Variants in TSHR observed in about 807,000 individuals in gnomAD.
TSHR encodes thyroid stimulating hormone receptor.
In TSHR, 51 loss-of-function variants were observed where a neutral mutation model predicts 64.1. The observed-to-expected ratio is 0.80, with a 90% CI of 0.64 to 1.01. The LOEUF (loss-of-function observed/expected upper bound fraction) is 1.01, where lower values mean the gene tolerates loss of function less well. Ranked by LOEUF, TSHR falls within the 50% of genes least tolerant of loss-of-function variation. The probability of loss-of-function intolerance (pLI) is 0.00; values close to 1 mark genes in which losing one functional copy is unlikely to be tolerated. For missense variants in TSHR, 877 were observed against 942.8 expected (o/e 0.93, Z 0.91); for synonymous variants, 361 against 361.9 (o/e 1.00, Z 0.03).
intron 1 of TSHR, among the ~76,000 whole-genome samples, chr14:80,973,204 G>A (rs969568563): frequency 2.6e-5 from 4 of 151,986 alleles, no homozygotes; most frequent in East Asian, 1.9e-4. Context: ...AGGAGATCGA[G>A]ACCATCCTGG....
intron 1 of TSHR, among the ~76,000 whole-genome samples, chr14:81,046,859 A>G (rs946458183): frequency 5.9e-5 from 9 of 152,320 alleles, no homozygotes; most frequent in Non-Finnish European, 7.4e-5. Flanking sequence ...GAAGGTTAAA[A>G]GGGAAACAGG....
intron 1 of TSHR, among the ~76,000 whole-genome samples, chr14:80,967,697 C>T (rs1198650419): frequency 1.3e-5 from 2 of 152,256 alleles, no homozygotes; most frequent in African/African-American, 4.8e-5. Context: ...TAAGAAATTT[C>T]CTGGGCTTAT....
At chr14:81,045,422 C>T (rs980862072) in intron 1 of TSHR, among the ~76,000 whole-genome samples, 1 of 152,164 alleles carries the variant, frequency 6.6e-6, no homozygotes, top group African/African-American at 2.4e-5. Context: ...CTGGGATACA[C>T]GTGTAGAACG....
At chr14:81,110,162 T>A (rs562332897) in intron 8 of TSHR, among the ~76,000 whole-genome samples, 10 of 152,384 alleles carry the variant, frequency 6.6e-5, no homozygotes, top group Admixed American at 3.3e-4. Flanking sequence ...AACTTGTTTT[T>A]AAATCTTTCA....
intron 7 of TSHR, among the ~76,000 whole-genome samples, chr14:81,101,403 T>C (rs1236062314): frequency 6.6e-6 from 1 of 152,192 alleles, no homozygotes; most frequent in East Asian, 1.9e-4. Flanking sequence ...CAATGTATAA[T>C]GAAACCAATT....
At chr14:81,008,442 G>C (rs985946190) in intron 1 of TSHR, among the ~76,000 whole-genome samples, 1 of 152,032 alleles carries the variant, frequency 6.6e-6, no homozygotes, top group Non-Finnish European at 1.5e-5. Flanking sequence ...AAAGTGCTGG[G>C]ATTACAGGCG....
At chr14:80,978,127 ACACATGCATG>A (rs1887982501) in intron 1 of TSHR, among the ~76,000 whole-genome samples, 1 of 139,070 alleles carries the variant, frequency 7.2e-6, no homozygotes, top group South Asian at 2.4e-4. Flanking sequence ...ACACACACAC[ACACATGCATG>A]TGCACTTTTC....
At chr14:81,096,751 T>A (rs1457495773) in intron 7 of TSHR, 44 bp downstream of exon 7, 1 of 1,596,866 alleles carries the variant, frequency 6.3e-7, no homozygotes, top group Non-Finnish European at 8.6e-7. Flanking sequence ...TCCCTTACCC[T>A]AAGAACCATC....
intron 8 of TSHR, among the ~76,000 whole-genome samples, chr14:81,137,521 C>T (rs1356403312): frequency 6.6e-6 from 1 of 152,144 alleles, no homozygotes; most frequent in East Asian, 1.9e-4. Context: ...TCAGCCCTGG[C>T]ACCAGACATG....
At chr14:81,108,818 C>A in intron 8 of TSHR, 1 of 1,537,720 alleles carries the variant, frequency 6.5e-7, no homozygotes, top group Non-Finnish European at 8.7e-7. Context: ...AAAAAATGTA[C>A]CTGAATGTAC....
rs182127123 is a variant in TSHR, at chr14:81,084,465, T to G, written c.318-3489T>G. Among the ~76,000 whole-genome samples the G allele has an allele frequency of 3.1e-3, 470 of 152,366 alleles. 5 individuals are homozygous for G. Among genetic ancestry groups the G allele is most frequent in the African/African-American group, 0.011 (460 of 41,588 alleles). On this transcript the variant is annotated intron_variant, in intron 3 of 9. Transcript: ENST00000298171. The stretch of plus-strand genomic sequence containing the variant: ...CAGAGTACTCTATATTTTTGGAATT[T>G]TATTTATGCTTATTAGTTTGGGTAG...
In TSHR at chr14:81,022,106, CA is replaced by C. The variant is rs10631450; in HGVS notation, c.171-40025del. Among the ~76,000 whole-genome samples the C allele has an allele frequency of 1.0e-3, 121 of 115,532 alleles. No individual in the cohort carries two copies. In the Middle Eastern group the frequency reaches 0.019, roughly 18 times the overall value. 75.8% of individuals were successfully genotyped at this position (115,532 alleles called of 152,430 possible). Reference sequence around the variant, plus strand: ...TGAAACCCCGTCTCTACTAAAAATACAAAAAAAAAAAAAAAAAGCCAGGCGT... The same window carrying C: ...TGAAACCCCGTCTCTACTAAAAATACAAAAAAAAAAAAAAAAGCCAGGCGT... On this transcript the variant is annotated intron_variant, in intron 1 of 9. Transcript: ENST00000298171.
intron 8 of TSHR, among the ~76,000 whole-genome samples, chr14:81,114,488 G>A (rs192983257): frequency 1.5e-3 from 232 of 152,178 alleles, no homozygotes; most frequent in Admixed American, 2.9e-3. Context: ...AAAAAACGGC[G>A]CACCACGAGA....
At chr14:80,984,420 A>G (rs1272073731) in intron 1 of TSHR, among the ~76,000 whole-genome samples, 1 of 152,126 alleles carries the variant, frequency 6.6e-6, no homozygotes, top group East Asian at 1.9e-4. Context: ...TTTTTCCTGT[A>G]CTCACAGTGA....
At chr14:80,958,106 A>T (rs928299176) in intron 1 of TSHR, 2 of 151,840 alleles carry the variant, frequency 1.3e-5, no homozygotes, top group African/African-American at 2.4e-5. Flanking sequence ...GGGCGGTAGA[A>T]CTCTTTGTTG....
At chr14:81,039,575 A>G (rs1403589100) in intron 1 of TSHR, among the ~76,000 whole-genome samples, 1 of 151,970 alleles carries the variant, frequency 6.6e-6, no homozygotes, top group East Asian at 1.9e-4. Context: ...AAAAAACCCT[A>G]AAGACTCCAC....
chr14:81,002,208 A>G (rs769207137), intron 1 of TSHR, among the ~76,000 whole-genome samples: 2 of 152,104 alleles, frequency 1.3e-5, no homozygotes, highest in Admixed American at 1.3e-4. Flanking sequence ...AAAATTTTTG[A>G]ATTCTGAAAT....
intron 1 of TSHR, among the ~76,000 whole-genome samples, chr14:81,026,613 T>A (rs902095474): frequency 6.6e-6 from 1 of 152,062 alleles, no homozygotes; most frequent in Non-Finnish European, 1.5e-5. Flanking sequence ...GACCTTTCTG[T>A]GTTAGGACTC....
At chr14:80,969,456 T>C (rs1471897620) in intron 1 of TSHR, among the ~76,000 whole-genome samples, 1 of 152,214 alleles carries the variant, frequency 6.6e-6, no homozygotes, top group African/African-American at 2.4e-5. Flanking sequence ...TGAATTACTA[T>C]TTCTTACAGG....
Sources: gnomAD v4.1 joint callset for allele counts (sites outside exome capture counted in the v4.1 genomes callset) on GRCh38, gnomAD v4.1.1 for gene constraint, MANE v1.5 for transcripts, NCBI Gene and HGNC (gene_info 2026-07-23, HGNC 2026-07-21) for gene names.